The following MYO16 variants were observed in gnomAD, a reference collection of about 807,000 sequenced individuals.
MYO16 encodes the protein myosin XVI, also known as unconventional myosin-XVI.
MYO16 carries 94 observed loss-of-function variants against 205.3 expected under a neutral mutation model. That is an observed-to-expected ratio of 0.46 (90% CI 0.39 to 0.54). The LOEUF (loss-of-function observed/expected upper bound fraction) is 0.54, where lower values mean the gene tolerates loss of function less well. Among genes scored for constraint, MYO16 ranks in the 20% least tolerant of loss-of-function variants. The pLI, the probability that MYO16 is intolerant of heterozygous loss-of-function variation, is 0.00. For synonymous variants in MYO16, 988 were observed against 954.0 expected (o/e 1.04, Z -0.66); for missense variants, 2,315 against 2,387.5 (o/e 0.97, Z 0.63).
Position 108,802,418 on chromosome 13 carries a change from G to T in MYO16, c.742-4261G>T, listed in dbSNP as rs1044310681. Among the ~76,000 whole-genome samples, 6 of 152,130 alleles carry T rather than the reference G, an allele frequency of 3.9e-5. No homozygotes were observed. In the East Asian group the frequency reaches 9.6e-4, roughly 24 times the overall value. On this transcript the variant is annotated intron_variant, in intron 6 of 34. Coordinates refer to ENST00000457511, the MANE Select transcript of MYO16 (RefSeq NM_001198950.3). ...CATCCATGTTGTTGCAAATGACAGGGTTTCTTTCTTTTTTAAGGGTGACTA... is the reference window on the plus strand; with the variant it reads ...CATCCATGTTGTTGCAAATGACAGGTTTTCTTTCTTTTTTAAGGGTGACTA...
chr13:108,690,275 A>C (rs1463418884), intron 2 of MYO16, among the ~76,000 whole-genome samples: 3 of 151,334 alleles, frequency 2.0e-5, no homozygotes, highest in Non-Finnish European at 4.4e-5. Context: ...TCTTTTCTTT[A>C]TTTTCCTTTG....
intron 1 of MYO16, among the ~76,000 whole-genome samples, chr13:108,621,740 G>T (rs1879550987): frequency 6.6e-6 from 1 of 152,014 alleles, no homozygotes; most frequent in South Asian, 2.1e-4. Flanking sequence ...CCTCACATCA[G>T]GCATCAGTAG....
At chr13:108,855,248 T>C (rs571580576) in intron 10 of MYO16, 195 bp from the exon 11 acceptor site, 59 of 416,882 alleles carry the variant, frequency 1.4e-4, no homozygotes, top group African/African-American at 1.1e-3. Flanking sequence ...AAAATTCTCA[T>C]CTGAATACAT....
chr13:108,535,214 A>G, the MYO16 span, among the ~76,000 whole-genome samples: 2 of 152,154 alleles, frequency 1.3e-5, no homozygotes, highest in African/African-American at 4.8e-5. Context: ...TAATCTGCCA[A>G]ACATCAACAG....
At chr13:108,565,933 T>C in the MYO16 span, among the ~76,000 whole-genome samples, 1 of 152,128 alleles carries the variant, frequency 6.6e-6, no homozygotes, top group Admixed American at 6.5e-5. Context: ...TTTGGTTTGC[T>C]AATGCTTTGT....
At chr13:108,915,259 GTC>G (rs1272717954) in intron 16 of MYO16, among the ~76,000 whole-genome samples, 2 of 152,176 alleles carry the variant, frequency 1.3e-5, no homozygotes, top group South Asian at 2.1e-4. Context: ...AAGAAAAAAA[GTC>G]TGTAGGTTTC....
chr13:108,621,581 G>A (rs552512400), intron 1 of MYO16, among the ~76,000 whole-genome samples: 16 of 152,172 alleles, frequency 1.1e-4, no homozygotes, highest in South Asian at 2.1e-4. Flanking sequence ...CTTCCTGCTC[G>A]TTAATCATCC....
intron 13 of MYO16, among the ~76,000 whole-genome samples, chr13:108,887,597 G>T (rs1879963792): frequency 6.6e-6 from 1 of 152,150 alleles, no homozygotes; most frequent in Non-Finnish European, 1.5e-5. Context: ...AATGAAGTAT[G>T]CCTGGGATGT....
chr13:108,808,209 A>G (rs894089172), intron 7 of MYO16, among the ~76,000 whole-genome samples: 1 of 152,018 alleles, frequency 6.6e-6, no homozygotes, highest in South Asian at 2.1e-4. Flanking sequence ...AAGTATCCCT[A>G]CAATTTCAGA....
chr13:108,918,251 A>T lies in MYO16; in HGVS notation c.1925+8101A>T, dbSNP rs370483891. ...AAAATAGACCATCATTAAGCCAAAT[A>T]TAAATATACCAAATACAACGTCATT... On this transcript the variant is annotated intron_variant, in intron 16 of 34. Transcript: ENST00000457511. 8.3e-4 allele frequency among the ~76,000 whole-genome samples: 127 copies of T among 152,364 alleles called. 2 individuals are homozygous for T. The South Asian group carries it at 0.026, about 31-fold the overall frequency.
intron 27 of MYO16, among the ~76,000 whole-genome samples, chr13:109,094,742 TGTG>T (rs1170122118): frequency 6.6e-6 from 1 of 152,002 alleles, no homozygotes; most frequent in African/African-American, 2.4e-5. Context: ...AGTGAGAACA[TGTG>T]GTGTTTGGTT....
Position 108,842,681 on chromosome 13 carries a change from G to A in MYO16, c.1098-1662G>A, listed in dbSNP as rs190000491. 6.4e-4 allele frequency among the ~76,000 whole-genome samples: 98 copies of A among 152,168 alleles called. 1 individual carries two copies. The South Asian group carries it at 0.013, about 21-fold the overall frequency. On this transcript the variant is annotated intron_variant, in intron 9 of 34. Coordinates refer to ENST00000457511, the MANE Select transcript of MYO16 (RefSeq NM_001198950.3). ...GGATGCAAAGTGGTATAGTTGCTAC[G>A]GAAACAAGTATGGAGTTTCCTCAAA...
At chr13:108,898,394 ATACC>A (rs1471323728) in intron 15 of MYO16, among the ~76,000 whole-genome samples, 16 of 83,580 alleles carry the variant, frequency 1.9e-4, no homozygotes, top group Non-Finnish European at 2.9e-5. Flanking sequence ...GTGTGTATAC[ATACC>A]TAGGATGTCA....
At chr13:108,793,691 G>A (rs1392174163) in intron 6 of MYO16, 51 bp downstream of exon 6, 1 of 1,529,586 alleles carries the variant, frequency 6.5e-7, no homozygotes, top group Non-Finnish European at 8.9e-7. Context: ...AATTTAAGTT[G>A]ATCTATAAAA....
At chr13:109,065,618 G>C in intron 27 of MYO16, 1 of 463,586 alleles carries the variant, frequency 2.2e-6, no homozygotes, top group Non-Finnish European at 4.1e-6. Context: ...CTTTCCCAAA[G>C]CTGCCTTTAT....
chr13:108,554,461 A>G, the MYO16 span, among the ~76,000 whole-genome samples: 714 of 152,258 alleles, frequency 4.7e-3, 8 homozygotes, highest in African/African-American at 0.016. Flanking sequence ...AGCACTGGCC[A>G]TGTTCTTATT....
chr13:108,988,283 G>A (rs943911038), intron 20 of MYO16, among the ~76,000 whole-genome samples: 3 of 152,046 alleles, frequency 2.0e-5, no homozygotes, highest in Non-Finnish European at 4.4e-5. Context: ...TTACTATCCT[G>A]CCAATGTTGC....
intron 1 of MYO16, among the ~76,000 whole-genome samples, chr13:108,641,453 TTAG>T (rs1428634477): frequency 1.3e-5 from 2 of 152,176 alleles, no homozygotes; most frequent in Non-Finnish European, 2.9e-5. Flanking sequence ...ATTCAAGTTG[TTAG>T]TAGAAAAAGA....
intron 1 of MYO16, among the ~76,000 whole-genome samples, chr13:108,622,544 T>C (rs1879583922): frequency 6.6e-6 from 1 of 151,964 alleles, no homozygotes; most frequent in African/African-American, 2.4e-5. Context: ...AATTTATCTG[T>C]GTCTGTTGCT....
Sources: allele counts gnomAD v4.1 joint callset (sites outside exome capture counted in the v4.1 genomes callset), GRCh38; gene constraint gnomAD v4.1.1; transcripts MANE v1.5; gene names NCBI Gene and HGNC (gene_info 2026-07-23, HGNC 2026-07-21).